Variants in TENM2 observed in about 807,000 individuals in gnomAD.
TENM2 encodes the protein teneurin transmembrane protein 2.
Under a neutral mutation model 245.2 loss-of-function variants are expected in TENM2, and 52 were observed. The observed-to-expected ratio is 0.21, with a 90% CI of 0.17 to 0.27. TENM2 has a LOEUF of 0.27. Among genes scored for constraint, TENM2 ranks in the 10% least tolerant of loss-of-function variants. TENM2 has a pLI of 1.00. For synonymous variants in TENM2, 1,363 were observed against 1,438.9 expected, an observed-to-expected ratio of 0.95 and a Z score of 1.19; for missense variants, 3,046 against 3,666.8, an observed-to-expected ratio of 0.83 and a Z score of 4.37.
chr5:167,915,628 C>T (rs1776880087), intron 3 of TENM2, among the ~76,000 whole-genome samples: 1 of 152,160 alleles, frequency 6.6e-6, no homozygotes, highest in South Asian at 2.1e-4. Flanking sequence ...CCCCATTCTC[C>T]AATCCCTCCC....
rs1168042401 is a variant in TENM2 at position 167,992,890 on chromosome 5, A to T, written c.948-54A>T. 7.2e-6 allele frequency: 10 copies of T among 1,398,110 alleles called. No individual in the cohort carries two copies. The Admixed American group carries it at 1.7e-4, about 24-fold the overall frequency. 86.6% of individuals were successfully genotyped at this position (1,398,110 alleles called of 1,614,324 possible). A position where few individuals can be genotyped will look rare whatever the true frequency, so the allele number is the denominator to read the frequency against. On this transcript the variant is annotated intron_variant, in intron 4 of 28. Coordinates refer to ENST00000518659, the Ensembl canonical transcript of TENM2. Reference sequence around the variant, plus strand: ...AGCAGAGTGGAAGAAAAATAGCTAAATGTTGCTCCTTGGCTACCCATGACC... The same window carrying T: ...AGCAGAGTGGAAGAAAAATAGCTAATTGTTGCTCCTTGGCTACCCATGACC...
chr5:167,592,946 T>C (rs1213219847), intron 2 of TENM2, among the ~76,000 whole-genome samples: 1 of 152,214 alleles, frequency 6.6e-6, no homozygotes, highest in Non-Finnish European at 1.5e-5. Flanking sequence ...TATATCATAC[T>C]TATTATTTAG....
chr5:167,776,083 A>T (rs1471496954), intron 2 of TENM2, among the ~76,000 whole-genome samples: 7 of 151,672 alleles, frequency 4.6e-5, no homozygotes, highest in African/African-American at 1.7e-4. Context: ...AAGAATTCCT[A>T]AATATATTGT....
chr5:167,384,983 A>T (rs892119501), intron 2 of TENM2, among the ~76,000 whole-genome samples: 2 of 152,238 alleles, frequency 1.3e-5, no homozygotes, highest in Non-Finnish European at 2.9e-5. Flanking sequence ...CTCCCGCAGT[A>T]CAGGGAGTGT....
chr5:167,311,247 G>A (rs1166365527), intron 1 of TENM2, among the ~76,000 whole-genome samples: 1 of 152,034 alleles, frequency 6.6e-6, no homozygotes, highest in Non-Finnish European at 1.5e-5. Context: ...CTTTTTGCTG[G>A]TTATAAAAAT....
At chr5:167,121,259 G>A in the TENM2 span, among the ~76,000 whole-genome samples, 2 of 152,132 alleles carry the variant, frequency 1.3e-5, no homozygotes, top group African/African-American at 2.4e-5. Flanking sequence ...TCCAATGGCA[G>A]CTGAAGATTA....
the TENM2 span, among the ~76,000 whole-genome samples, chr5:167,045,044 G>A: frequency 6.6e-6 from 1 of 152,124 alleles, no homozygotes; most frequent in Admixed American, 6.5e-5. Context: ...TGGACCTAGA[G>A]ATGAGGGGGC....
the TENM2 span, among the ~76,000 whole-genome samples, chr5:167,185,473 C>T: frequency 0.072 from 10,951 of 151,974 alleles, 1,072 homozygotes; most frequent in East Asian, 0.36. Context: ...TTGAGTGAGG[C>T]TTTTATATGT....
At chr5:168,038,669 C>T (rs150166395) in intron 5 of TENM2, among the ~76,000 whole-genome samples, 21 of 152,290 alleles carry the variant, frequency 1.4e-4, no homozygotes, top group East Asian at 5.8e-4. Context: ...CCAAGGTATC[C>T]GCTTATGCAT....
intron 13 of TENM2, among the ~76,000 whole-genome samples, chr5:168,177,576 C>T (rs1330430010): frequency 1.3e-5 from 2 of 152,236 alleles, no homozygotes; most frequent in Non-Finnish European, 2.9e-5. Flanking sequence ...ATGGCTCATG[C>T]CTGTAATCCC....
intron 2 of TENM2, among the ~76,000 whole-genome samples, chr5:167,630,073 T>C (rs190289382): frequency 1.5e-3 from 235 of 152,252 alleles, no homozygotes; most frequent in African/African-American, 5.4e-3. Context: ...TATTTCTTTT[T>C]TCTTCTTCAT....
chr5:168,061,533 G>A (rs1037785178), intron 6 of TENM2, among the ~76,000 whole-genome samples: 5 of 152,174 alleles, frequency 3.3e-5, no homozygotes, highest in Non-Finnish European at 7.3e-5. Context: ...TTGTTTCTCT[G>A]CGGCTCTTAG....
At chr5:168,111,922 T>C (rs1794699708) in intron 9 of TENM2, among the ~76,000 whole-genome samples, 1 of 152,232 alleles carries the variant, frequency 6.6e-6, no homozygotes, top group Non-Finnish European at 1.5e-5. Flanking sequence ...TAGGTTTTCA[T>C]TCATCTGTTT....
the TENM2 span, among the ~76,000 whole-genome samples, chr5:167,041,179 C>G: frequency 6.6e-6 from 1 of 152,190 alleles, no homozygotes; most frequent in East Asian, 1.9e-4. Flanking sequence ...AATCCTTTCC[C>G]TGGTTGTATT....
chr5:167,053,848 C>A, the TENM2 span, among the ~76,000 whole-genome samples: 3 of 151,936 alleles, frequency 2.0e-5, no homozygotes. Context: ...CAGGTATAGC[C>A]CTTTATTTTG....
intron 4 of TENM2, among the ~76,000 whole-genome samples, chr5:167,981,629 A>T (rs1330883914): frequency 1.3e-5 from 2 of 152,154 alleles, no homozygotes; most frequent in African/African-American, 4.8e-5. Flanking sequence ...ATGCTCCTAA[A>T]TGTGCTTTGC....
At chr5:167,517,610 C>CAGCTGAGA (rs1383069387) in intron 2 of TENM2, among the ~76,000 whole-genome samples, 2,102 of 152,242 alleles carry the variant, frequency 0.014, 54 homozygotes, top group African/African-American at 0.047. Context: ...GGAGCTCTCT[C>CAGCTGAGA]AGCTGAGGGG....
intron 3 of TENM2, among the ~76,000 whole-genome samples, chr5:167,942,452 A>T (rs1779259392): frequency 6.6e-6 from 1 of 152,156 alleles, no homozygotes; most frequent in Non-Finnish European, 1.5e-5. Context: ...TGGAGAGATC[A>T]ATGTTTTCAA....
At chr5:167,642,880 T>A (rs1178817765) in intron 2 of TENM2, among the ~76,000 whole-genome samples, 1 of 152,168 alleles carries the variant, frequency 6.6e-6, no homozygotes, top group Non-Finnish European at 1.5e-5. Flanking sequence ...AGGGGAACAG[T>A]GCAGGGATCA....
Sources: gnomAD v4.1 joint callset for allele counts (sites outside exome capture counted in the v4.1 genomes callset) on GRCh38, gnomAD v4.1.1 for gene constraint, MANE v1.5 for transcripts, NCBI Gene and HGNC (gene_info 2026-07-23, HGNC 2026-07-21) for gene names.